Variants in CROCC observed in about 807,000 individuals in gnomAD.
CROCC encodes ciliary rootlet coiled-coil, rootletin.
A neutral mutation model predicts 245.2 loss-of-function variants in CROCC; 180 were observed. The ratio of observed to expected loss-of-function variants is 0.73; its 90% CI spans 0.65 to 0.83. The LOEUF (loss-of-function observed/expected upper bound fraction) is 0.83. Ranked by LOEUF, CROCC falls within the 40% of genes least tolerant of loss-of-function variation. The probability of loss-of-function intolerance (pLI) is 0.00; values close to 1 mark genes in which losing one functional copy is unlikely to be tolerated. For synonymous variants in CROCC, 1,205 were observed against 1,241.6 expected (o/e 0.97, Z 0.62); for missense variants, 2,688 against 2,779.4 (o/e 0.97, Z 0.74).
chr1:16,969,616 AC>A (rs1299130899), intron 32 of CROCC, among the ~76,000 whole-genome samples, 168 bp from the exon 33 acceptor site: 1 of 152,174 alleles, frequency 6.6e-6, no homozygotes, highest in Non-Finnish European at 1.5e-5. Flanking sequence ...AGTGGGTCCC[AC>A]CTTATGCAGG....
chr1:16,920,161 C>T (rs2075373804), upstream of CROCC, among the ~76,000 whole-genome samples: 1 of 152,260 alleles, frequency 6.6e-6, no homozygotes, highest in South Asian at 2.1e-4. Context: ...TCACTGCAAC[C>T]TCTGCCTCCC....
chr1:16,918,580 G>T (rs1400782460), upstream of CROCC, among the ~76,000 whole-genome samples: 1 of 152,224 alleles, frequency 6.6e-6, no homozygotes, highest in African/African-American at 2.4e-5. Context: ...TGCAGGGCTG[G>T]ACATGCTGGT....
chr1:16,956,017 A>C lies in CROCC; in HGVS notation c.3725A>C (p.Asp1242Ala). Residue 1242 changes from aspartate to alanine, a missense_variant, in exon 25 of 37, where the codon GAC (aspartate) becomes GCC (alanine). Asp to Ala is a moderately radical substitution (Grantham distance 126, BLOSUM62 -2). Transcript: ENST00000375541. The part of the protein sequence containing the change: ...ERISLKLANE[D>A]KEQKLALLEE... The stretch of plus-strand genomic sequence containing the variant: ...TCCAGCCTGAAGCTTGCCAATGAGG[A>C]CAAGGAGCAGAAGCTGGCACTCCTA... The C allele has an allele frequency of 6.4e-7, 1 of 1,550,826 alleles. No homozygotes were observed.
chr1:16,968,081 C>T (rs1218326579), intron 30 of CROCC, 122 bp from the exon 31 acceptor site: 1 of 966,342 alleles, frequency 1.0e-6, no homozygotes, highest in African/African-American at 1.6e-5. Context: ...CAGGCCGGCC[C>T]CAGGTCACGT....
At chr1:16,916,041 T>G (rs1427757002) in intron 1 of CROCC, among the ~76,000 whole-genome samples, 2 of 152,240 alleles carry the variant, frequency 1.3e-5, no homozygotes, top group Non-Finnish European at 2.9e-5. Flanking sequence ...CTGGGCGTGG[T>G]GGTGCATGCC....
At chr1:16,971,104 T>A (rs892890682) in intron 35 of CROCC, 1 of 449,924 alleles carries the variant, frequency 2.2e-6, no homozygotes. Context: ...TGTGTACAGA[T>A]GTTTTCATGC....
At chr1:16,935,227 GTTA>G (rs2075762521) in intron 8 of CROCC, among the ~76,000 whole-genome samples, 1 of 152,184 alleles carries the variant, frequency 6.6e-6, no homozygotes, top group Non-Finnish European at 1.5e-5. Context: ...ACCTTCCAGG[GTTA>G]TCTTACATAA....
intron 3 of CROCC, 53 bp downstream of exon 3, chr1:16,924,532 A>G: frequency 1.3e-6 from 2 of 1,590,722 alleles, no homozygotes; most frequent in African/African-American, 1.3e-5. Context: ...GTTCAAGGGC[A>G]GGGAGGCATC....
In CROCC at chr1:16,944,148, C is replaced by G. The variant is rs765647734; in HGVS notation, c.1857C>G (p.Ala619=). 6.4e-7 allele frequency: 1 copy of G among 1,559,670 alleles called. No homozygotes were observed. The highest frequency in any genetic ancestry group is 1.9e-5 in the Admixed American group (1 of 51,662). Residue 619 remains alanine (A), a synonymous_variant, in exon 14 of 37, where the codon GCC becomes GCG. Coordinates refer to ENST00000375541, the MANE Select transcript of CROCC (RefSeq NM_014675.5). ...AHSLQVAQQQ[A]EELRQEREKL... is the part of the protein sequence containing the mutation. ...GCCTGCAGGTGGCCCAGCAGCAGGC[C>G]GAGGAGCTGCGGCAGGAGCGGGAGA... is the stretch of plus-strand genomic sequence containing the variant.
Position 16,967,788 on chromosome 1 carries a change from G to C in CROCC, c.4861-415G>C, listed in dbSNP as rs142263904. On this transcript the variant is annotated intron_variant, in intron 30 of 36. Coordinates refer to ENST00000375541, the MANE Select transcript of CROCC (RefSeq NM_014675.5). Reference sequence around the variant, plus strand: ...CAGCAGGGCCCCCTCAGAACTGTCCGGCTCAGCTCAGTTTGCACGAGTCAG... The same window carrying C: ...CAGCAGGGCCCCCTCAGAACTGTCCCGCTCAGCTCAGTTTGCACGAGTCAG... Among the ~76,000 whole-genome samples, 74 of 152,246 alleles carry C rather than the reference G, an allele frequency of 4.9e-4. No homozygotes were observed. The East Asian group carries it at 7.9e-3, about 16-fold the overall frequency.
intron 10 of CROCC, 96 bp downstream of exon 10, chr1:16,937,833 C>G: frequency 1.8e-6 from 2 of 1,087,896 alleles, no homozygotes; most frequent in Admixed American, 4.0e-5. Context: ...TGGGTCACCC[C>G]CAGCGTCCCA....
At chr1:16,964,360 T>C (rs1051597304) in intron 27 of CROCC, among the ~76,000 whole-genome samples, 1 of 151,520 alleles carries the variant, frequency 6.6e-6, no homozygotes, top group Non-Finnish European at 1.5e-5. Context: ...CCTTCCTTCC[T>C]TACTTTCTTT....
intron 17 of CROCC, among the ~76,000 whole-genome samples, chr1:16,947,712 G>A (rs536044776): frequency 7.2e-5 from 11 of 152,346 alleles, no homozygotes; most frequent in South Asian, 6.2e-4. Flanking sequence ...GAGGCCTGCC[G>A]AGCAGCTGCA....
At chr1:16,967,948 C>T (rs1296069123) in intron 30 of CROCC, among the ~76,000 whole-genome samples, 8 of 152,154 alleles carry the variant, frequency 5.3e-5, no homozygotes, top group Admixed American at 2.6e-4. Context: ...CCATAGGGCG[C>T]GAAGGGGCAG....
At chr1:16,932,034 T>C (rs1188773453) in intron 8 of CROCC, among the ~76,000 whole-genome samples, 4 of 152,222 alleles carry the variant, frequency 2.6e-5, no homozygotes, top group Admixed American at 6.5e-5. Context: ...CCCAAAGTGC[T>C]GGGATTATAG....
chr1:16,961,394 C>T (rs1445120835), intron 27 of CROCC, among the ~76,000 whole-genome samples: 2 of 152,022 alleles, frequency 1.3e-5, no homozygotes, highest in South Asian at 4.1e-4. Context: ...CCTCCTCAGC[C>T]TCCTGAGTAG....
At position 16,924,466 on chromosome 1, in the gene CROCC, C is replaced by T. The variant is rs746650914; in HGVS notation, c.338C>T (p.Ala113Val). 22 of 1,612,168 alleles carry T rather than the reference C, an allele frequency of 1.4e-5. No homozygotes were observed. The highest frequency in any genetic ancestry group is 1.0e-4 in the Admixed American group (6 of 59,940). ...GATGAGCTCGCCATTAAGTACAATG[C>T]GGTCAGCGAGAGGGTGGGTGCCGCC... is the stretch of plus-strand genomic sequence containing the variant. ...ERDELAIKYN[A>V]VSERLEQALR... Residue 113 changes from alanine (A) to valine (V), a missense_variant, in exon 3 of 37, where the codon GCG (alanine) becomes GTG (valine). This residue lies in a region of CROCC where 972 missense variants were observed against 895.3 expected (regional missense o/e 1.09). Transcript: ENST00000375541.
At chr1:16,941,810 C>T (rs2075940577) in intron 13 of CROCC, among the ~76,000 whole-genome samples, 1 of 152,230 alleles carries the variant, frequency 6.6e-6, no homozygotes, top group African/African-American at 2.4e-5. Flanking sequence ...CATACATGGC[C>T]ATAGAACATT....
At chr1:16,914,344 G>C (rs1185791111) in intron 1 of CROCC, among the ~76,000 whole-genome samples, 1 of 152,210 alleles carries the variant, frequency 6.6e-6, no homozygotes, top group Admixed American at 6.5e-5. Context: ...CGCCCATCCT[G>C]CCCGGATTGT....
Sources: gnomAD v4.1 joint callset for allele counts (sites outside exome capture counted in the v4.1 genomes callset) on GRCh38, gnomAD v4.1.1 for gene constraint, gnomAD v4.1.1 regional missense constraint, MANE v1.5 for transcripts, NCBI Gene and HGNC (gene_info 2026-07-23, HGNC 2026-07-21) for gene names.